The following SLC11A2 variants were observed in gnomAD, a reference collection of about 807,000 sequenced individuals.
SLC11A2 encodes the protein natural resistance-associated macrophage protein 2.
In SLC11A2, 38 loss-of-function variants were observed where a neutral mutation model predicts 68.0. That is an observed-to-expected ratio of 0.56 (90% CI 0.43 to 0.73). The LOEUF (loss-of-function observed/expected upper bound fraction) is 0.73. Ranked by LOEUF, SLC11A2 falls within the 30% of genes least tolerant of loss-of-function variation. The pLI is 0.00. For missense variants in SLC11A2, 517 were observed against 690.5 expected (o/e 0.75, Z 2.82); for synonymous variants, 242 against 250.6 (o/e 0.97, Z 0.32).
intron 1 of SLC11A2, among the ~76,000 whole-genome samples, chr12:51,020,243 A>C (rs1232119784): frequency 1.3e-5 from 2 of 151,018 alleles, no homozygotes; most frequent in Non-Finnish European, 3.0e-5. Flanking sequence ...TTTTTTGTAA[A>C]GGTGGGGTCT....
At chr12:51,020,757 G>A (rs913084128) in intron 1 of SLC11A2, among the ~76,000 whole-genome samples, 19 of 151,994 alleles carry the variant, frequency 1.3e-4, no homozygotes, top group African/African-American at 4.1e-4. Flanking sequence ...TTTTTTCTTG[G>A]TATTATTCCC....
chr12:50,997,526 C>A (rs1311519726), intron 8 of SLC11A2, among the ~76,000 whole-genome samples: 2 of 151,292 alleles, frequency 1.3e-5, no homozygotes, highest in African/African-American at 2.4e-5. Context: ...CACAACAAAA[C>A]CTTATCTCTA....
downstream of SLC11A2, chr12:50,980,103 G>A (rs1464717481): frequency 5.4e-6 from 2 of 368,366 alleles, no homozygotes; most frequent in South Asian, 4.1e-5. Flanking sequence ...GTGTGTGCCT[G>A]CAGTCCCAGC....
the SLC11A2 span, among the ~76,000 whole-genome samples, chr12:50,966,093 G>A: frequency 1.3e-5 from 2 of 152,024 alleles, no homozygotes; most frequent in African/African-American, 2.4e-5. Flanking sequence ...GACCACTTAG[G>A]CTTTGCTGCC....
chr12:50,963,310 C>T, the SLC11A2 span, among the ~76,000 whole-genome samples: 1 of 133,156 alleles, frequency 7.5e-6, no homozygotes, highest in Non-Finnish European at 1.5e-5. Flanking sequence ...GCGGAGGCTG[C>T]AGTGAACCAA....
intron 15 of SLC11A2, 61 bp from the exon 16 acceptor site, chr12:50,988,496 C>G: frequency 1.2e-6 from 2 of 1,609,240 alleles, no homozygotes; most frequent in Non-Finnish European, 8.5e-7. Flanking sequence ...ACTGCTCACA[C>G]AGCACTTCTC....
the SLC11A2 span, among the ~76,000 whole-genome samples, chr12:50,969,777 C>G: frequency 6.6e-6 from 1 of 151,840 alleles, no homozygotes; most frequent in South Asian, 2.1e-4. Context: ...GAAGAGGGAT[C>G]TAATTTCAAG....
At position 50,986,734 on chromosome 12, in the gene SLC11A2, A is replaced by T. The variant is rs760035407; in HGVS notation, c.*1591T>A. ...AAGAGGAATGGTTAGGGGAATTGTC[A>T]TTCATAACTCTGTGCTATATTACTT... On this transcript the variant is annotated 3_prime_UTR_variant, in exon 16 of 16. Coordinates refer to ENST00000262052, the MANE Select transcript of SLC11A2 (RefSeq NM_000617.3). 2 of 1,287,160 alleles carry T rather than the reference A, an allele frequency of 1.6e-6. No homozygotes were observed. Among genetic ancestry groups the T allele is most frequent in the South Asian group, 2.5e-5 (2 of 80,936 alleles). 79.7% of individuals were successfully genotyped at this position (1,287,160 alleles called of 1,614,324 possible). A position where few individuals can be genotyped will look rare whatever the true frequency, so the allele number is the denominator to read the frequency against.
intron 8 of SLC11A2, among the ~76,000 whole-genome samples, chr12:50,997,767 C>A (rs1941845567): frequency 6.9e-6 from 1 of 144,872 alleles, no homozygotes; most frequent in Admixed American, 7.0e-5. Context: ...GCGGGTGGAT[C>A]ACCTGAGGTC....
At chr12:51,010,248 T>A (rs1382130157) in intron 2 of SLC11A2, among the ~76,000 whole-genome samples, 1 of 151,630 alleles carries the variant, frequency 6.6e-6, no homozygotes, top group Admixed American at 6.6e-5. Context: ...ATGGGCGCGG[T>A]AGCTCATGCT....
the SLC11A2 span, among the ~76,000 whole-genome samples, chr12:50,961,518 T>A: frequency 6.6e-6 from 1 of 152,322 alleles, no homozygotes; most frequent in East Asian, 1.9e-4. Context: ...GAAGACATTT[T>A]TAGAGTCCAC....
In SLC11A2 at chr12:50,987,653, G is replaced by A. The variant is rs1297276070; in HGVS notation, c.*672C>T. 7.8e-7 allele frequency: 1 copy of A among 1,287,196 alleles called. No individual in the cohort carries two copies. The highest frequency in any genetic ancestry group is 5.5e-5 in the East Asian group (1 of 18,028). 79.7% of individuals were successfully genotyped at this position (1,287,196 alleles called of 1,614,324 possible). A position where few individuals can be genotyped will look rare whatever the true frequency, so the allele number is the denominator to read the frequency against. ...GAGGAAAATCCTGAGAAGGTAATTA[G>A]TAAGCACCACCTAGCGATGTGGTGC... On this transcript the variant is annotated 3_prime_UTR_variant, in exon 16 of 16. Transcript: ENST00000262052.
chr12:50,989,996 T>C (rs1363021067), intron 15 of SLC11A2, among the ~76,000 whole-genome samples: 1 of 152,170 alleles, frequency 6.6e-6, no homozygotes, highest in East Asian at 1.9e-4. Flanking sequence ...ATATAAGCAA[T>C]GCTAAAGAAG....
chr12:50,954,135 C>T, the SLC11A2 span: 1 of 1,151,702 alleles, frequency 8.7e-7, no homozygotes, highest in Non-Finnish European at 1.3e-6. Flanking sequence ...TGTAATAACA[C>T]AATGATGCCT....
At chr12:50,995,141 T>TC (rs1339057462) in intron 10 of SLC11A2, 1 of 237,380 alleles carries the variant, frequency 4.2e-6, no homozygotes, top group Non-Finnish European at 8.3e-6. Context: ...TGAAACCCCA[T>TC]CTCTACTAAA....
the SLC11A2 span, among the ~76,000 whole-genome samples, chr12:50,971,385 C>T: frequency 0.17 from 25,529 of 147,474 alleles, 2,561 homozygotes; most frequent in East Asian, 0.51. Context: ...TTACCGCAAA[C>T]ACATGTTTAA....
At chr12:51,010,147 G>C (rs1042856955) in intron 2 of SLC11A2, among the ~76,000 whole-genome samples, 1 of 151,478 alleles carries the variant, frequency 6.6e-6, no homozygotes, top group Middle Eastern at 3.2e-3. Flanking sequence ...CAGTGCCACT[G>C]AACACTAACT....
At chr12:50,989,298 T>G (rs563755485) in intron 15 of SLC11A2, among the ~76,000 whole-genome samples, 3 of 152,176 alleles carry the variant, frequency 2.0e-5, no homozygotes, top group Non-Finnish European at 2.9e-5. Flanking sequence ...GAGACCAGCC[T>G]GGCCAACATG....
In SLC11A2 at chr12:50,990,833, C is replaced by T; in HGVS notation, c.1537G>A (p.Val513Met). Residue 513 changes from valine to methionine, a missense_variant, in exon 15 of 16, where the codon GTG (valine) becomes ATG (methionine). Val to Met is a conservative substitution (Grantham distance 21). Coordinates refer to ENST00000262052, the MANE Select transcript of SLC11A2 (RefSeq NM_000617.3). ...AAGCCCAGATAAGCCACGCTGACCA[C>T]AGCAGCCACCACATATAATGCCACA... The part of the protein sequence containing the change: ...GHVALYVVAA[V>M]VSVAYLGFVF... 12 of 1,614,164 alleles carry T rather than the reference C, an allele frequency of 7.4e-6. No individual in the cohort carries two copies. Among genetic ancestry groups the T allele is most frequent in the Non-Finnish European group, 1.0e-5 (12 of 1,179,998 alleles).
Sources: gnomAD v4.1 joint callset for allele counts (sites outside exome capture counted in the v4.1 genomes callset) on GRCh38, gnomAD v4.1.1 for gene constraint, MANE v1.5 for transcripts, NCBI Gene and HGNC (gene_info 2026-07-23, HGNC 2026-07-21) for gene names.